The following CAMK1D variants were observed in gnomAD, a reference collection of about 807,000 sequenced individuals.
The protein encoded by CAMK1D is calcium/calmodulin-dependent protein kinase type 1D.
In CAMK1D, 9 loss-of-function variants were observed where a neutral mutation model predicts 47.7. That is an observed-to-expected ratio of 0.19 (90% CI 0.11 to 0.33). The LOEUF is 0.33. Among genes scored for constraint, CAMK1D ranks in the 10% least tolerant of loss-of-function variants. The pLI is 1.00. For missense variants in CAMK1D, 291 were observed against 488.7 expected (o/e 0.60, Z 3.81); for synonymous variants, 184 against 184.9 (o/e 0.99, Z 0.04).
chr10:12,383,126 C>T (rs1433854306), intron 1 of CAMK1D, among the ~76,000 whole-genome samples: 1 of 152,104 alleles, frequency 6.6e-6, no homozygotes, highest in East Asian at 1.9e-4. Context: ...GAGCATCAAA[C>T]CACATAATCC....
chr10:12,651,051 C>T (rs1019748239), intron 2 of CAMK1D, among the ~76,000 whole-genome samples: 5 of 152,258 alleles, frequency 3.3e-5, no homozygotes, highest in South Asian at 2.1e-4. Context: ...AGGCTTTTGC[C>T]GGCTTTTTAC....
intron 1 of CAMK1D, among the ~76,000 whole-genome samples, chr10:12,504,225 T>TACACACACACACACACACACACACACAC (rs111662084): frequency 4.7e-5 from 7 of 147,734 alleles, no homozygotes; most frequent in African/African-American, 1.8e-4. Context: ...ATACACATTT[T>TACACACACACACACACACACACACACAC]ACACACACAC....
chr10:12,816,693 A>G (rs1255383335), intron 8 of CAMK1D, among the ~76,000 whole-genome samples: 1 of 151,336 alleles, frequency 6.6e-6, no homozygotes, highest in African/African-American at 2.4e-5. Flanking sequence ...ACATGGTGAA[A>G]CCCCATTTCT....
chr10:12,678,636 A>C (rs919432565), intron 3 of CAMK1D, among the ~76,000 whole-genome samples: 2 of 152,124 alleles, frequency 1.3e-5, no homozygotes, highest in Admixed American at 6.5e-5. Flanking sequence ...TGTCTGCTTC[A>C]TATATTTTGG....
chr10:12,683,286 C>T (rs1437627991), intron 3 of CAMK1D, among the ~76,000 whole-genome samples: 1 of 152,000 alleles, frequency 6.6e-6, no homozygotes, highest in African/African-American at 2.4e-5. Flanking sequence ...GGGGTTTCGC[C>T]ATATTGGCCA....
Position 12,630,304 on chromosome 10 carries a change from C to G in CAMK1D, c.225-36432C>G, listed in dbSNP as rs185077474. Among the ~76,000 whole-genome samples, 323 of 151,956 alleles carry G rather than the reference C, an allele frequency of 2.1e-3. 7 individuals carry two copies. Among genetic ancestry groups the G allele is most frequent in the Admixed American group, 0.018 (273 of 15,258 alleles). On this transcript the variant is annotated intron_variant, in intron 2 of 10. Transcript: ENST00000619168. ...CCCCTTAAATCCCCCTTCTGCCCACCCCCACCGCGTATATATTGTGACTTG... is the reference window on the plus strand; with the variant it reads ...CCCCTTAAATCCCCCTTCTGCCCACGCCCACCGCGTATATATTGTGACTTG...
Position 12,446,869 on chromosome 10 carries a change from C to T in CAMK1D, c.92+96959C>T, listed in dbSNP as rs141808227. Among the ~76,000 whole-genome samples the T allele has an allele frequency of 1.2e-4, 18 of 152,248 alleles. No individual in the cohort carries two copies. In the East Asian group the frequency reaches 3.5e-3, roughly 29 times the overall value. ...CTGTATCTTAGTTGGATGTTGACTT[C>T]CTTTGAGAATTCTTTGATCTTTTCT... On this transcript the variant is annotated intron_variant, in intron 1 of 10. Transcript: ENST00000619168.
chr10:12,457,713 G>A (rs146211992), intron 1 of CAMK1D, among the ~76,000 whole-genome samples: 1,899 of 150,806 alleles, frequency 0.013, 40 homozygotes, highest in African/African-American at 0.043. Flanking sequence ...CCCAGGAGGC[G>A]GAGGTTGCAG....
chr10:12,532,030 A>G (rs938198659), intron 1 of CAMK1D, among the ~76,000 whole-genome samples: 1 of 152,248 alleles, frequency 6.6e-6, no homozygotes. Flanking sequence ...AATACTGCAC[A>G]GGGGAGAGCT....
At chr10:12,458,413 A>T (rs2815612) in intron 1 of CAMK1D, among the ~76,000 whole-genome samples, 30,646 of 151,246 alleles carry the variant, frequency 0.2, 3,157 homozygotes, top group African/African-American at 0.25. Flanking sequence ...TGCAAACAGT[A>T]TTTTTTTAAT....
intron 2 of CAMK1D, among the ~76,000 whole-genome samples, chr10:12,557,551 C>CAAAAAAA (rs5783273): frequency 5.6e-4 from 47 of 84,268 alleles, no homozygotes; most frequent in African/African-American, 7.8e-4. Flanking sequence ...GACTCCATCT[C>CAAAAAAA]AAAAAAAAAA....
chr10:12,422,988 G>A (rs1840109045), intron 1 of CAMK1D, among the ~76,000 whole-genome samples: 2 of 151,970 alleles, frequency 1.3e-5, no homozygotes, highest in South Asian at 4.2e-4. Context: ...AATGGGTTTT[G>A]CTTGTAATAA....
chr10:12,756,760 A>G (rs1836243903), intron 3 of CAMK1D, among the ~76,000 whole-genome samples: 1 of 152,122 alleles, frequency 6.6e-6, no homozygotes, highest in Admixed American at 6.5e-5. Context: ...CCCCGTCTCT[A>G]CTAAAAATAC....
intron 2 of CAMK1D, among the ~76,000 whole-genome samples, chr10:12,625,117 A>C (rs185000378): frequency 6.6e-6 from 1 of 151,780 alleles, no homozygotes; most frequent in African/African-American, 2.4e-5. Context: ...CAGGCAGATC[A>C]CCTGAGGTGA....
chr10:12,558,057 G>A (rs1394622578), intron 2 of CAMK1D, among the ~76,000 whole-genome samples: 3 of 152,310 alleles, frequency 2.0e-5, no homozygotes, highest in Non-Finnish European at 2.9e-5. Context: ...TGTGAGGACC[G>A]GCAGCCTTGC....
intron 2 of CAMK1D, among the ~76,000 whole-genome samples, chr10:12,636,384 G>C (rs1343372813): frequency 6.6e-6 from 1 of 152,212 alleles, no homozygotes; most frequent in African/African-American, 2.4e-5. Context: ...CTAGAGTGCG[G>C]TGGCACGATC....
intron 8 of CAMK1D, among the ~76,000 whole-genome samples, chr10:12,817,039 A>G (rs137978387): frequency 6.6e-6 from 1 of 152,278 alleles, no homozygotes; most frequent in Non-Finnish European, 1.5e-5. Flanking sequence ...AGGCAAAAAG[A>G]GAGAGCTTGT....
At chr10:12,718,878 C>G (rs1478277773) in intron 3 of CAMK1D, among the ~76,000 whole-genome samples, 1 of 152,136 alleles carries the variant, frequency 6.6e-6, no homozygotes, top group Non-Finnish European at 1.5e-5. Context: ...CTCCCTAAGA[C>G]AGCACTAGGA....
chr10:12,352,725 G>C (rs1479926104), intron 1 of CAMK1D, among the ~76,000 whole-genome samples: 1 of 146,162 alleles, frequency 6.8e-6, no homozygotes, highest in Non-Finnish European at 1.5e-5. Flanking sequence ...TCGTCCTTTT[G>C]CTTCTGTGGA....
Sources: gnomAD v4.1 joint callset for allele counts (sites outside exome capture counted in the v4.1 genomes callset) on GRCh38, gnomAD v4.1.1 for gene constraint, MANE v1.5 for transcripts, NCBI Gene and HGNC (gene_info 2026-07-23, HGNC 2026-07-21) for gene names.